MME: variants seen among roughly 807,000 people sequenced by gnomAD.
MME encodes neprilysin.
Under a neutral mutation model 113.2 loss-of-function variants are expected in MME, and 98 were observed. The observed-to-expected ratio is 0.87, with a 90% confidence interval of 0.74 to 1.02. The LOEUF is 1.02. MME is among the 50% of genes least tolerant of loss of function. The probability of loss-of-function intolerance (pLI) is 0.00; values close to 1 mark genes in which losing one functional copy is unlikely to be tolerated. For missense variants in MME, 836 were observed against 896.0 expected, an observed-to-expected ratio of 0.93 and a Z score of 0.86; for synonymous variants, 292 against 300.6, an observed-to-expected ratio of 0.97 and a Z score of 0.30.
intron 1 of MME, among the ~76,000 whole-genome samples, chr3:155,030,825 G>A (rs566588811): frequency 2.0e-5 from 3 of 152,256 alleles, no homozygotes; most frequent in African/African-American, 7.2e-5. Flanking sequence ...TATGCATGAA[G>A]GTCCAAAAGC....
intron 1 of MME, among the ~76,000 whole-genome samples, chr3:155,063,878 T>C (rs972392377): frequency 6.6e-6 from 1 of 151,430 alleles, no homozygotes; most frequent in Non-Finnish European, 1.5e-5. Context: ...AATTCATATG[T>C]TGAAGCCCTA....
chr3:155,135,145 G>T (rs188444338), intron 8 of MME, among the ~76,000 whole-genome samples: 18 of 152,160 alleles, frequency 1.2e-4, no homozygotes, highest in Admixed American at 5.9e-4. Flanking sequence ...AATTTAATTA[G>T]GTCCCACTTG....
intron 17 of MME, among the ~76,000 whole-genome samples, chr3:155,165,650 G>C (rs2108360570): frequency 6.6e-6 from 1 of 152,264 alleles, no homozygotes; most frequent in Non-Finnish European, 1.5e-5. Flanking sequence ...GTGTGAGACA[G>C]AAAGTGGGAG....
At chr3:155,117,122 T>C (rs1410184902) in intron 7 of MME, 136 bp downstream of exon 7, 11 of 672,562 alleles carry the variant, frequency 1.6e-5, no homozygotes, top group Admixed American at 2.3e-5. Flanking sequence ...ATATCCATGC[T>C]CTGTCCCTAA....
At chr3:155,154,343 T>C (rs1722160606) in intron 16 of MME, among the ~76,000 whole-genome samples, 1 of 152,192 alleles carries the variant, frequency 6.6e-6, no homozygotes, top group Admixed American at 6.5e-5. Flanking sequence ...GTTGGCACCC[T>C]GGGAAGTGAC....
upstream of MME, among the ~76,000 whole-genome samples, chr3:155,076,517 T>A (rs1714755932): frequency 6.6e-6 from 1 of 152,160 alleles, no homozygotes; most frequent in Admixed American, 6.5e-5. Context: ...TTTGTCGGTA[T>A]TACAAGAAAG....
intron 16 of MME, among the ~76,000 whole-genome samples, chr3:155,156,494 A>G (rs570457989): frequency 1.3e-5 from 2 of 152,246 alleles, no homozygotes; most frequent in African/African-American, 2.4e-5. Context: ...GCAGGTTCCT[A>G]TTCTTCTTAG....
chr3:155,064,455 G>T (rs918772895), intron 1 of MME, among the ~76,000 whole-genome samples: 1 of 152,072 alleles, frequency 6.6e-6, no homozygotes, highest in African/African-American at 2.4e-5. Flanking sequence ...AAGGAAAAAA[G>T]GTTTGTTTCA....
chr3:155,089,336 CCTAA>C (rs997206534), intron 3 of MME, among the ~76,000 whole-genome samples: 1 of 152,180 alleles, frequency 6.6e-6, no homozygotes, highest in African/African-American at 2.4e-5. Flanking sequence ...TTGTAACCTC[CCTAA>C]CTTAGATTTC....
chr3:155,074,439 CT>C (rs969320401), intron 1 of MME, among the ~76,000 whole-genome samples: 14 of 148,058 alleles, frequency 9.5e-5, no homozygotes, highest in South Asian at 2.1e-4. Flanking sequence ...TTCTTTCTTT[CT>C]TTTTTTTTTG....
At chr3:155,056,113 AGCACTCCAAAT>A (rs1228162658) in intron 1 of MME, among the ~76,000 whole-genome samples, 1 of 152,182 alleles carries the variant, frequency 6.6e-6, no homozygotes, top group Admixed American at 6.5e-5. Flanking sequence ...TTCTACCTGC[AGCACTCCAAAT>A]GCCTCTTCCC....
rs775276723 is a variant in MME at position 155,138,128 on chromosome 3, G to T, written c.747G>T (p.Met249Ile). Residue 249 changes from methionine (M) to isoleucine (I), a missense_variant, in exon 9 of 23, where the codon ATG becomes ATT. Met to Ile is a conservative substitution (Grantham distance 10, BLOSUM62 1). Coordinates refer to ENST00000360490, the MANE Select transcript of MME (RefSeq NM_007289.4). Reference protein sequence around the residue: ...KEACTAYVDFMISVARLIRQE... With the variant: ...KEACTAYVDFIISVARLIRQE... ...CTTGTACAGCATATGTGGATTTTATGATTTCTGTGGCCAGATTGATTCGTC... is the reference window on the plus strand; with the variant it reads ...CTTGTACAGCATATGTGGATTTTATTATTTCTGTGGCCAGATTGATTCGTC... 7.4e-6 allele frequency: 12 copies of T among 1,613,492 alleles called. No individual in the cohort carries two copies. Among genetic ancestry groups the T allele is most frequent in the Non-Finnish European group, 1.0e-5 (12 of 1,179,758 alleles).
chr3:155,096,624 G>C (rs766972878), intron 3 of MME, among the ~76,000 whole-genome samples: 6 of 152,156 alleles, frequency 3.9e-5, no homozygotes, highest in Non-Finnish European at 5.9e-5. Context: ...AAGAATGGCT[G>C]TGGGCAGGAA....
intron 3 of MME, among the ~76,000 whole-genome samples, chr3:155,103,226 A>C (rs1293791597): frequency 6.6e-6 from 1 of 152,200 alleles, no homozygotes; most frequent in Non-Finnish European, 1.5e-5. Flanking sequence ...GCAATGTGTA[A>C]GTTACCAATA....
At chr3:155,135,443 G>A (rs768372420) in intron 8 of MME, among the ~76,000 whole-genome samples, 3 of 146,358 alleles carry the variant, frequency 2.0e-5, no homozygotes, top group Non-Finnish European at 4.5e-5. Flanking sequence ...TCAGATGGCT[G>A]TAGGTGTGCT....
chr3:155,106,529 A>G (rs1717703707), intron 3 of MME, among the ~76,000 whole-genome samples: 1 of 152,162 alleles, frequency 6.6e-6, no homozygotes, highest in African/African-American at 2.4e-5. Flanking sequence ...TTTCTCTTCA[A>G]AAATGGTTCC....
At chr3:155,167,398 T>C (rs1392053361) in intron 18 of MME, among the ~76,000 whole-genome samples, 1 of 152,116 alleles carries the variant, frequency 6.6e-6, no homozygotes, top group Non-Finnish European at 1.5e-5. Context: ...TCAGAAAATA[T>C]TGCCTCTCCA....
intron 1 of MME, among the ~76,000 whole-genome samples, chr3:155,064,017 A>G (rs1342474502): frequency 6.6e-6 from 1 of 152,050 alleles, no homozygotes; most frequent in East Asian, 1.9e-4. Flanking sequence ...AAGGCCCAGC[A>G]TGGTGGCTCA....
intron 1 of MME, among the ~76,000 whole-genome samples, chr3:155,057,796 C>G (rs1397132361): frequency 6.6e-6 from 1 of 151,602 alleles, no homozygotes; most frequent in Non-Finnish European, 1.5e-5. Flanking sequence ...TTCATCTCCT[C>G]TCCCCATACT....
Sources: allele counts gnomAD v4.1 joint callset (sites outside exome capture counted in the v4.1 genomes callset), GRCh38; gene constraint gnomAD v4.1.1; transcripts MANE v1.5; gene names NCBI Gene and HGNC (gene_info 2026-07-23, HGNC 2026-07-21).